Variants in C10orf67 observed in about 807,000 individuals in gnomAD.
The protein encoded by C10orf67 is uncharacterized protein C10orf67, mitochondrial.
A neutral mutation model predicts 35.6 loss-of-function variants in C10orf67; 60 were observed. That is an observed-to-expected ratio of 1.68 (90% CI 1.37 to 2.09). The LOEUF is 2.09. Ranked by LOEUF, C10orf67 falls within the 30% of genes most tolerant of loss-of-function variation. The pLI is 0.00. For synonymous variants in C10orf67, 167 were observed against 115.8 expected, an observed-to-expected ratio of 1.44 and a Z score of -2.84; for missense variants, 474 against 330.2, an observed-to-expected ratio of 1.44 and a Z score of -3.38.
rs147822977 is a variant in C10orf67 at position 23,213,564 on chromosome 10, C to T, written c.1571-9309G>A. On this transcript the variant is annotated intron_variant, in intron 15 of 15. Transcript: ENST00000636213. The stretch of plus-strand genomic sequence containing the variant: ...ATTCCATGTCTTGCTAAATTACCAT[C>T]AAAGAGTGAGGTAAAAATTAAGGCA... Among the ~76,000 whole-genome samples the T allele has an allele frequency of 3.7e-4, 57 of 152,198 alleles. 1 individual carries two copies. The East Asian group carries it at 9.5e-3, about 25-fold the overall frequency.
intron 7 of C10orf67, among the ~76,000 whole-genome samples, chr10:23,287,763 C>G (rs905722552): frequency 5.3e-5 from 8 of 151,970 alleles, no homozygotes; most frequent in African/African-American, 1.9e-4. Flanking sequence ...GGAACTTAAT[C>G]AAATTTACAA....
chr10:23,213,208 C>A (rs1356496467), intron 15 of C10orf67, among the ~76,000 whole-genome samples: 6 of 151,842 alleles, frequency 4.0e-5, no homozygotes, highest in Non-Finnish European at 8.8e-5. Flanking sequence ...ATATACACAA[C>A]AAAGAAAAAT....
chr10:23,205,078 A>T (rs1260903557), intron 15 of C10orf67, among the ~76,000 whole-genome samples: 3 of 152,216 alleles, frequency 2.0e-5, no homozygotes, highest in South Asian at 2.1e-4. Flanking sequence ...CTTAACATGA[A>T]CAAAGATAAA....
At chr10:23,303,483 TA>T in intron 4 of C10orf67, 24 bp from the exon 5 acceptor site, 1 of 494,316 alleles carries the variant, frequency 2.0e-6, no homozygotes, top group Middle Eastern at 2.8e-4. Context: ...AAAGCAGCAT[TA>T]AAAATTAGAC....
chr10:23,218,121 A>G (rs1314576113), intron 15 of C10orf67, among the ~76,000 whole-genome samples: 3 of 152,110 alleles, frequency 2.0e-5, no homozygotes, highest in Non-Finnish European at 4.4e-5. Flanking sequence ...GGAAAAATTG[A>G]GAGACAGGCT....
At chr10:23,283,824 G>T (rs1242625445) in intron 7 of C10orf67, among the ~76,000 whole-genome samples, 1 of 151,970 alleles carries the variant, frequency 6.6e-6, no homozygotes, top group Non-Finnish European at 1.5e-5. Context: ...CATGCCTCTT[G>T]TGTGCCGCAC....
chr10:23,314,735 T>A (rs1335002772), intron 4 of C10orf67, among the ~76,000 whole-genome samples: 1 of 152,196 alleles, frequency 6.6e-6, no homozygotes, highest in Non-Finnish European at 1.5e-5. Flanking sequence ...TTTCTTGCTG[T>A]CAGCCAGAGG....
intron 8 of C10orf67, among the ~76,000 whole-genome samples, chr10:23,271,109 G>GC (rs57256394): frequency 0.14 from 21,341 of 152,068 alleles, 2,917 homozygotes; most frequent in East Asian, 0.71. Flanking sequence ...ACAGAAAAAA[G>GC]TGGGATCACA....
intron 12 of C10orf67, among the ~76,000 whole-genome samples, chr10:23,240,198 A>T (rs1842147180): frequency 6.6e-6 from 1 of 152,118 alleles, no homozygotes; most frequent in Non-Finnish European, 1.5e-5. Flanking sequence ...CTGACAAAAA[A>T]CCAAAAACCA....
chr10:23,219,849 G>T (rs1043150623), intron 15 of C10orf67, among the ~76,000 whole-genome samples: 4 of 151,878 alleles, frequency 2.6e-5, no homozygotes, highest in African/African-American at 9.7e-5. Flanking sequence ...TTTTACTTAT[G>T]CCTGGTAGAA....
chr10:23,241,138 T>C (rs564480251), intron 12 of C10orf67, among the ~76,000 whole-genome samples: 1 of 152,206 alleles, frequency 6.6e-6, no homozygotes, highest in Non-Finnish European at 1.5e-5. Context: ...TCAAAATTGT[T>C]TGGACTAGTG....
At chr10:23,252,309 C>T (rs1038059747) in intron 10 of C10orf67, among the ~76,000 whole-genome samples, 1 of 151,992 alleles carries the variant, frequency 6.6e-6, no homozygotes, top group African/African-American at 2.4e-5. Flanking sequence ...TTCTTTGGTT[C>T]AGACTGTTCG....
chr10:23,270,324 G>A (rs1334775600), intron 8 of C10orf67, among the ~76,000 whole-genome samples: 1 of 152,130 alleles, frequency 6.6e-6, no homozygotes, highest in Non-Finnish European at 1.5e-5. Flanking sequence ...GTGATTGTGT[G>A]ACCTCCCCTG....
chr10:23,323,840 G>T (rs1414754166), intron 2 of C10orf67, among the ~76,000 whole-genome samples: 2 of 135,822 alleles, frequency 1.5e-5, no homozygotes, highest in Non-Finnish European at 1.6e-5. Context: ...GTTGCAGTGA[G>T]CCAAGATCGC....
intron 15 of C10orf67, among the ~76,000 whole-genome samples, chr10:23,208,785 TAATGGGATAAGAGCA>T (rs1412658985): frequency 3.9e-5 from 6 of 152,216 alleles, no homozygotes; most frequent in African/African-American, 7.2e-5. Flanking sequence ...TTGCTTTGGC[TAATGGGATAAGAGCA>T]AATGTGACCC....
intron 5 of C10orf67, among the ~76,000 whole-genome samples, chr10:23,295,109 C>T (rs940475688): frequency 1.3e-5 from 2 of 152,138 alleles, no homozygotes; most frequent in Non-Finnish European, 2.9e-5. Context: ...CAGGAGAAAT[C>T]CATACACCCC....
chr10:23,216,620 C>T (rs1236147200), intron 15 of C10orf67, among the ~76,000 whole-genome samples: 1 of 151,976 alleles, frequency 6.6e-6, no homozygotes, highest in Non-Finnish European at 1.5e-5. Context: ...TCATATTATA[C>T]AATGGAATAT....
At chr10:23,280,522 A>T (rs1479813974) in intron 8 of C10orf67, among the ~76,000 whole-genome samples, 2 of 152,190 alleles carry the variant, frequency 1.3e-5, no homozygotes, top group Admixed American at 6.5e-5. Flanking sequence ...CAGGTATGCA[A>T]TGGAAACCTC....
chr10:23,232,858 G>A (rs1841948486), intron 13 of C10orf67, among the ~76,000 whole-genome samples: 1 of 152,134 alleles, frequency 6.6e-6, no homozygotes, highest in African/African-American at 2.4e-5. Flanking sequence ...CACAACAGCA[G>A]TCATTAAAAG....
Sources: allele counts gnomAD v4.1 joint callset (sites outside exome capture counted in the v4.1 genomes callset), GRCh38; gene constraint gnomAD v4.1.1; transcripts MANE v1.5; gene names NCBI Gene and HGNC (gene_info 2026-07-23, HGNC 2026-07-21).